STXBP5L: variants seen among roughly 807,000 people sequenced by gnomAD.
The protein encoded by STXBP5L is syntaxin-binding protein 5-like.
A neutral mutation model predicts 144.5 loss-of-function variants in STXBP5L; 65 were observed. The ratio of observed to expected loss-of-function variants is 0.45; its 90% CI spans 0.37 to 0.55. STXBP5L has a LOEUF of 0.55. Among genes scored for constraint, STXBP5L ranks in the 20% least tolerant of loss-of-function variants. STXBP5L has a pLI of 0.00. For synonymous variants in STXBP5L, 505 were observed against 469.6 expected, an observed-to-expected ratio of 1.08 and a Z score of -0.97; for missense variants, 1,298 against 1,405.5, an observed-to-expected ratio of 0.92 and a Z score of 1.22.
At chr3:121,402,390 T>G (rs942241445) in intron 22 of STXBP5L, among the ~76,000 whole-genome samples, 5 of 152,172 alleles carry the variant, frequency 3.3e-5, no homozygotes, top group African/African-American at 9.7e-5. Flanking sequence ...ACTCCAACTT[T>G]AATATAATTC....
At chr3:121,282,752 G>C (rs1490207534) in intron 19 of STXBP5L, among the ~76,000 whole-genome samples, 4 of 151,560 alleles carry the variant, frequency 2.6e-5, no homozygotes, top group Non-Finnish European at 5.9e-5. Flanking sequence ...TTCTAACCAG[G>C]GTCACAATAT....
At chr3:121,274,860 G>A (rs2050834181) in intron 18 of STXBP5L, among the ~76,000 whole-genome samples, 1 of 152,172 alleles carries the variant, frequency 6.6e-6, no homozygotes, top group South Asian at 2.1e-4. Context: ...GGGTGTATCA[G>A]AGGCCTGTCA....
intron 5 of STXBP5L, among the ~76,000 whole-genome samples, chr3:121,064,581 C>T (rs140016677): frequency 1.1e-4 from 17 of 152,308 alleles, no homozygotes; most frequent in Non-Finnish European, 1.5e-4. Context: ...CTGTCATTGA[C>T]AGTGACAGTG....
At position 121,420,677 on chromosome 3, in the gene STXBP5L, T is replaced by C. The variant is rs1171552358; in HGVS notation, c.*1580T>C. ...CGTCAAGAAAAGTTTTAATTATGGT[T>C]TTGGCTTATTGAATTTTTGTTTATC... On this transcript the variant is annotated 3_prime_UTR_variant, in exon 27 of 27. Transcript: ENST00000471454. 6.6e-6 allele frequency: 1 copy of C among 152,156 alleles called. No homozygotes were observed. The highest frequency in any genetic ancestry group is 1.5e-5 in the Non-Finnish European group (1 of 68,008). 9.4% of individuals were successfully genotyped at this position (152,156 alleles called of 1,614,324 possible).
At chr3:121,242,163 A>G (rs2049692242) in intron 14 of STXBP5L, among the ~76,000 whole-genome samples, 1 of 152,204 alleles carries the variant, frequency 6.6e-6, no homozygotes. Context: ...GAAGTTCCCT[A>G]CACAGAAAGG....
At chr3:121,040,948 A>G (rs1947105083) in intron 3 of STXBP5L, among the ~76,000 whole-genome samples, 1 of 152,114 alleles carries the variant, frequency 6.6e-6, no homozygotes, top group South Asian at 2.1e-4. Flanking sequence ...GGAGACTCTC[A>G]TCTAATTTGT....
At chr3:121,378,608 A>G in intron 20 of STXBP5L, 108 bp from the exon 21 acceptor site, 1 of 1,259,762 alleles carries the variant, frequency 7.9e-7, no homozygotes, top group East Asian at 2.6e-5. Flanking sequence ...TGTGGTTTAG[A>G]AAATAAAGGA....
At chr3:121,114,506 C>A (rs2044147012) in intron 5 of STXBP5L, among the ~76,000 whole-genome samples, 1 of 151,950 alleles carries the variant, frequency 6.6e-6, no homozygotes, top group Non-Finnish European at 1.5e-5. Context: ...CAAATATGAT[C>A]TTAAAAATAG....
At chr3:121,149,668 A>G (rs1419196395) in intron 7 of STXBP5L, among the ~76,000 whole-genome samples, 1 of 152,062 alleles carries the variant, frequency 6.6e-6, no homozygotes, top group Non-Finnish European at 1.5e-5. Flanking sequence ...CCTATTAGAA[A>G]AGGTAATGAA....
At chr3:121,242,464 T>C (rs1457866198) in intron 14 of STXBP5L, among the ~76,000 whole-genome samples, 2 of 152,136 alleles carry the variant, frequency 1.3e-5, no homozygotes, top group Non-Finnish European at 2.9e-5. Context: ...TAGAATGTGA[T>C]AAGTTGTGGT....
intron 5 of STXBP5L, among the ~76,000 whole-genome samples, chr3:121,075,574 C>T (rs1020909734): frequency 3.9e-5 from 6 of 152,142 alleles, no homozygotes; most frequent in South Asian, 2.1e-4. Context: ...TTACAAATGC[C>T]GCATTAACCA....
At chr3:121,150,277 G>A (rs1017715436) in intron 7 of STXBP5L, among the ~76,000 whole-genome samples, 1 of 151,946 alleles carries the variant, frequency 6.6e-6, no homozygotes, top group African/African-American at 2.4e-5. Context: ...TGCTTCTATT[G>A]TGAGAGACAT....
intron 5 of STXBP5L, among the ~76,000 whole-genome samples, chr3:121,063,292 C>T (rs2041373920): frequency 6.6e-6 from 1 of 152,230 alleles, no homozygotes; most frequent in African/African-American, 2.4e-5. Context: ...TGGAGGTCTA[C>T]TGCAGACTGT....
chr3:121,325,767 A>C (rs2044123040), intron 20 of STXBP5L, among the ~76,000 whole-genome samples: 3 of 151,972 alleles, frequency 2.0e-5, no homozygotes, highest in Admixed American at 1.3e-4. Flanking sequence ...TAGTACTTTA[A>C]AGCAAACAAG....
intron 5 of STXBP5L, among the ~76,000 whole-genome samples, chr3:121,092,071 AGATC>A: frequency 6.6e-6 from 1 of 152,280 alleles, no homozygotes; most frequent in South Asian, 2.1e-4. Flanking sequence ...GGTTTGTCAA[AGATC>A]AGATAGTTGT....
intron 3 of STXBP5L, among the ~76,000 whole-genome samples, chr3:120,981,715 A>T (rs1473734838): frequency 6.6e-6 from 1 of 152,178 alleles, no homozygotes; most frequent in Non-Finnish European, 1.5e-5. Flanking sequence ...TAGAAAGCTG[A>T]TGTGATCCTT....
chr3:121,049,951 G>C (rs1288513015), intron 5 of STXBP5L, among the ~76,000 whole-genome samples: 1 of 152,114 alleles, frequency 6.6e-6, no homozygotes, highest in Non-Finnish European at 1.5e-5. Flanking sequence ...CTGAGTCCAA[G>C]GATGCAAAGG....
At chr3:121,350,183 G>A (rs997632466) in intron 20 of STXBP5L, among the ~76,000 whole-genome samples, 3 of 152,112 alleles carry the variant, frequency 2.0e-5, no homozygotes, top group Non-Finnish European at 4.4e-5. Context: ...GCATTTACTT[G>A]TCTGTAAAGG....
intron 19 of STXBP5L, among the ~76,000 whole-genome samples, chr3:121,305,810 A>T (rs1456279164): frequency 6.6e-6 from 1 of 152,174 alleles, no homozygotes; most frequent in East Asian, 1.9e-4. Flanking sequence ...CAAGATTAAA[A>T]AATTATATGC....
Sources: gnomAD v4.1 joint callset for allele counts (sites outside exome capture counted in the v4.1 genomes callset) on GRCh38, gnomAD v4.1.1 for gene constraint, MANE v1.5 for transcripts, NCBI Gene and HGNC (gene_info 2026-07-23, HGNC 2026-07-21) for gene names.